Variants in POLD2 observed in about 807,000 individuals in gnomAD.
The protein encoded by POLD2 is DNA polymerase delta 2, accessory subunit, also known as DNA polymerase delta subunit 2.
POLD2 carries 31 observed loss-of-function variants against 48.8 expected under a neutral mutation model. That is an observed-to-expected ratio of 0.64 (90% CI 0.48 to 0.86). POLD2 has a LOEUF of 0.86. Ranked by LOEUF, POLD2 falls within the 40% of genes least tolerant of loss-of-function variation. POLD2 has a pLI of 0.00. For synonymous variants in POLD2, 233 were observed against 256.3 expected (o/e 0.91, Z 0.87); for missense variants, 455 against 610.1 (o/e 0.75, Z 2.68).
chr7:44,115,688 A>C, intron 9 of POLD2, 78 bp downstream of exon 9: 1 of 1,512,416 alleles, frequency 6.6e-7, no homozygotes, highest in Non-Finnish European at 9.0e-7. Context: ...GCAAACCCAC[A>C]GGGGGACCCT....
At chr7:44,122,303 G>C in intron 1 of POLD2, 194 bp from the exon 2 acceptor site, 1 of 1,389,362 alleles carries the variant, frequency 7.2e-7, no homozygotes, top group Non-Finnish European at 9.3e-7. Context: ...CATCCAAAAA[G>C]AGAAAAGGAA....
chr7:44,117,019 C>G lies in POLD2; in HGVS notation c.582-4G>C. On this transcript the variant is annotated splice_region_variant and splice_polypyrimidine_tract_variant and intron_variant, in intron 5 of 10. Coordinates refer to ENST00000610533, the MANE Select transcript of POLD2 (RefSeq NM_006230.4). Reference sequence around the variant, plus strand: ...GCCGGACACCAGTAGCACAAACCTGCGGGAGAAGGTGGGGTCCTCCAGGGT... The same window carrying G: ...GCCGGACACCAGTAGCACAAACCTGGGGGAGAAGGTGGGGTCCTCCAGGGT... 6.2e-7 allele frequency: 1 copy of G among 1,612,808 alleles called. No individual in the cohort carries two copies.
intron 2 of POLD2, among the ~76,000 whole-genome samples, chr7:44,119,481 A>G (rs1418714747): frequency 6.6e-6 from 1 of 152,156 alleles, no homozygotes; most frequent in Non-Finnish European, 1.5e-5. Context: ...AGCAGACAGA[A>G]ATGCAACAGA....
intron 2 of POLD2, 125 bp from the exon 3 acceptor site, chr7:44,118,189 A>T (rs2096243347): frequency 8.8e-7 from 1 of 1,129,980 alleles, no homozygotes; most frequent in African/African-American, 1.6e-5. Flanking sequence ...AGGAGAGAAC[A>T]TCAAGTACAA....
chr7:44,116,029 C>G lies in POLD2; in HGVS notation c.1019+86G>C. On this transcript the variant is annotated intron_variant, in intron 8 of 10. Transcript: ENST00000610533. This position sits in a 1 kb window ranked among gnomAD's most constrained non-coding sequence, Gnocchi z 6.1. ...TAGGTGGGCCTCTGCAGCCCTGCCA[C>G]CTTCCTGGGCCCTCCCTCCCCTCCC... 6.3e-7 allele frequency: 1 copy of G among 1,598,174 alleles called. No homozygotes were observed. The highest frequency in any genetic ancestry group is 8.6e-7 in the Non-Finnish European group (1 of 1,167,492).
Position 44,117,523 on chromosome 7 carries a change from C to A in POLD2, c.466+96G>T, listed in dbSNP as rs55995853. On this transcript the variant is annotated intron_variant, in intron 4 of 10. Transcript: ENST00000610533. ...CACACGTGTGCCCAGGCCACACCCC[C>A]CCACTCCCCCCAGGCTCCCCACTCA... 1.0e-4 allele frequency: 151 copies of A among 1,462,196 alleles called. 1 individual carries two copies. In the East Asian group the frequency reaches 2.5e-3, roughly 24 times the overall value. The allele number at this position is 1,462,196 out of a possible 1,614,324, so 90.6% of individuals were successfully genotyped here. A position where few individuals can be genotyped will look rare whatever the true frequency, so the allele number is the denominator to read the frequency against.
At chr7:44,117,384 C>T (rs1381363742) in intron 4 of POLD2, 137 bp from the exon 5 acceptor site, 4 of 736,486 alleles carry the variant, frequency 5.4e-6, no homozygotes, top group Non-Finnish European at 9.2e-6. Context: ...GGATGCATGC[C>T]TGCTTCCTGG....
At chr7:44,118,208 T>TG (rs1583565751) in intron 2 of POLD2, 144 bp from the exon 3 acceptor site, 2 of 925,900 alleles carry the variant, frequency 2.2e-6, no homozygotes, top group East Asian at 5.4e-5. Flanking sequence ...AAGGACCCCC[T>TG]GGACTTCACG....
rs565491029 is a variant in POLD2, at chr7:44,122,071, G to T, written c.-18C>A. ...GAAAACATGGCCACACTCCTGACTT[G>T]CTTGGTCCACACAGCTTCGCCCAGG... On this transcript the variant is annotated 5_prime_UTR_variant, in exon 2 of 11. Coordinates refer to ENST00000610533, the MANE Select transcript of POLD2 (RefSeq NM_006230.4). The T allele has an allele frequency of 8.1e-6, 13 of 1,611,352 alleles. No homozygotes were observed. In the East Asian group the frequency reaches 2.9e-4, roughly 36 times the overall value.
At chr7:44,117,835 G>C (rs1002824949) in intron 3 of POLD2, 93 bp from the exon 4 acceptor site, 11 of 1,598,526 alleles carry the variant, frequency 6.9e-6, no homozygotes, top group Admixed American at 6.7e-5. Context: ...CACCCCTCTG[G>C]AGTCCATTGT....
Position 44,121,824 on chromosome 7 carries a change from T to TCC in POLD2, c.220+9_220+10insGG. On this transcript the variant is annotated intron_variant, in intron 2 of 10. Transcript: ENST00000610533. This position sits in a 1 kb window ranked among gnomAD's most constrained non-coding sequence, Gnocchi z 4.5. Reference sequence around the variant, plus strand: ...CTGTGGGGGAAGCACCTTCCCAAACTCTCACTTACCCCAGTGCTGCTGGGC... The same window carrying TCC: ...CTGTGGGGGAAGCACCTTCCCAAACTCCCTCACTTACCCCAGTGCTGCTGGGC... The TCC allele has an allele frequency of 6.2e-7, 1 of 1,607,418 alleles. No individual in the cohort carries two copies. Among genetic ancestry groups the TCC allele is most frequent in the Non-Finnish European group, 8.5e-7 (1 of 1,175,990 alleles).
intron 1 of POLD2, chr7:44,123,283 A>C: frequency 1.5e-6 from 2 of 1,361,084 alleles, no homozygotes; most frequent in Middle Eastern, 2.7e-4. Context: ...ACTCGTTAGG[A>C]GCTTTTGGCT....
chr7:44,123,338 A>G, intron 1 of POLD2, 173 bp downstream of exon 1: 2 of 1,374,732 alleles, frequency 1.5e-6, no homozygotes, highest in African/African-American at 1.5e-5. Flanking sequence ...GCTACTCGGG[A>G]TGGGGCCGAG....
At position 44,116,322 on chromosome 7, in the gene POLD2, T is replaced by G. The variant is rs376483971; in HGVS notation, c.862-50A>C. 1.0e-4 allele frequency: 166 copies of G among 1,598,714 alleles called. No homozygotes were observed. Among genetic ancestry groups the G allele is most frequent in the Non-Finnish European group, 1.3e-4 (157 of 1,171,088 alleles). On this transcript the variant is annotated intron_variant, in intron 7 of 10. Transcript: ENST00000610533. The surrounding 1 kb of genome is among the most constrained non-coding windows in gnomAD (Gnocchi z 6.1). ...CTCACAGGGCCCCGAAGGAGCCCCC[T>G]ACACCAACTCCGGCCACTCCCCCTG...
rs1212003992 is a variant in POLD2, at chr7:44,122,034, G to A, written c.20C>T (p.Ala7Val). The change falls in exon 2 of 11, where the codon GCC becomes GTC. Residue 7 changes from alanine (A) to valine (V), a missense_variant. Coordinates refer to ENST00000610533, the MANE Select transcript of POLD2 (RefSeq NM_006230.4). Reference sequence around the variant, plus strand: ...GGACAGTAGAGTGTGGGCCCTCTGGGCAGCCTGCTCAGAAAACATGGCCAC... The same window carrying A: ...GGACAGTAGAGTGTGGGCCCTCTGGACAGCCTGCTCAGAAAACATGGCCAC... MFSEQA[A>V]QRAHTLLSPP... The A allele has an allele frequency of 3.1e-6, 5 of 1,613,014 alleles. No individual in the cohort carries two copies. The highest frequency in any genetic ancestry group is 1.3e-5 in the African/African-American group (1 of 74,882).
chr7:44,123,646 GGCGCCTCATCCCGCCGACCACTGT>G, upstream of POLD2: 1 of 1,383,264 alleles, frequency 7.2e-7, no homozygotes, highest in Non-Finnish European at 9.3e-7. Context: ...TCCGTCACCA[GGCGCCTCATCCCGCCGACCACTGT>G]GCGCCCAGTC....
intron 1 of POLD2, chr7:44,122,400 A>C: frequency 8.8e-7 from 1 of 1,135,172 alleles, no homozygotes; most frequent in Non-Finnish European, 1.1e-6. Flanking sequence ...CAGGGTCTCA[A>C]TCAAGTTCAG....
At chr7:44,123,806 G>A (rs2096251887), upstream of POLD2, 1 of 982,778 alleles carries the variant, frequency 1.0e-6, no homozygotes, top group Non-Finnish European at 1.4e-6. Flanking sequence ...GGCTGACGGG[G>A]GGTGTCGGCC....
In POLD2 at chr7:44,116,767, G is replaced by A; in HGVS notation, c.780+50C>T. On this transcript the variant is annotated intron_variant, in intron 6 of 10. Transcript: ENST00000610533. The surrounding 1 kb of genome is among the most constrained non-coding windows in gnomAD (Gnocchi z 6.1). ...GCCCTGGGGAAGGAGGGTCTTACAGGCTTGCAGGCTCCTGGGCTGGGGCTG... is the reference window on the plus strand; with the variant it reads ...GCCCTGGGGAAGGAGGGTCTTACAGACTTGCAGGCTCCTGGGCTGGGGCTG... 4 of 1,590,450 alleles carry A rather than the reference G, an allele frequency of 2.5e-6. No homozygotes were observed. The highest frequency in any genetic ancestry group is 3.4e-6 in the Non-Finnish European group (4 of 1,161,864).
Sources: gnomAD v4.1 joint callset for allele counts (sites outside exome capture counted in the v4.1 genomes callset) on GRCh38, gnomAD v4.1.1 for gene constraint, Gnocchi (gnomAD v3.1) non-coding constraint, MANE v1.5 for transcripts, NCBI Gene and HGNC (gene_info 2026-07-23, HGNC 2026-07-21) for gene names.